ACTR3C: variants seen among roughly 807,000 people sequenced by gnomAD.
ACTR3C encodes actin-related protein 3C.
Under a neutral mutation model 26.3 loss-of-function variants are expected in ACTR3C, and 18 were observed. The ratio of observed to expected loss-of-function variants is 0.68; its 90% CI spans 0.47 to 1.01. The LOEUF is 1.01. ACTR3C is among the 50% of genes least tolerant of loss of function. The pLI is 0.00. For synonymous variants in ACTR3C, 55 were observed against 94.5 expected, an observed-to-expected ratio of 0.58 and a Z score of 2.42; for missense variants, 184 against 250.7, an observed-to-expected ratio of 0.73 and a Z score of 1.80.
the ACTR3C span, among the ~76,000 whole-genome samples, chr7:150,090,982 G>A: frequency 0.54 from 80,238 of 149,510 alleles, 21,526 homozygotes; most frequent in East Asian, 0.8. Flanking sequence ...CAGAACAAAG[G>A]GCACCATCCT....
At chr7:150,288,054 G>A (rs1835923189) in intron 4 of ACTR3C, among the ~76,000 whole-genome samples, 1 of 145,678 alleles carries the variant, frequency 6.9e-6, no homozygotes, top group Non-Finnish European at 1.5e-5. Context: ...GAAGCGGGGG[G>A]AGCTCTAAAC....
chr7:149,891,551 C>A, the ACTR3C span: 1 of 223,240 alleles, frequency 4.5e-6, no homozygotes, highest in Non-Finnish European at 9.0e-6. Context: ...GCAGGCCAGG[C>A]ACAGTGGCTC....
chr7:149,885,108 A>AC, the ACTR3C span, among the ~76,000 whole-genome samples: 3 of 151,750 alleles, frequency 2.0e-5, no homozygotes, highest in Non-Finnish European at 4.4e-5. Context: ...TGCTAGCAGA[A>AC]CCCCTCTCCC....
chr7:150,301,952 G>A (rs1196566847), intron 1 of ACTR3C, among the ~76,000 whole-genome samples: 1 of 152,080 alleles, frequency 6.6e-6, no homozygotes, highest in African/African-American at 2.4e-5. Flanking sequence ...CGGTGGCAAT[G>A]GTTTGTGAAT....
At chr7:150,176,991 C>T in the ACTR3C span, among the ~76,000 whole-genome samples, 1 of 150,640 alleles carries the variant, frequency 6.6e-6, no homozygotes, top group Non-Finnish European at 1.5e-5. Flanking sequence ...AACACAAATT[C>T]TCTAGATGCT....
chr7:149,956,780 G>A, the ACTR3C span, among the ~76,000 whole-genome samples: 9 of 151,952 alleles, frequency 5.9e-5, no homozygotes, highest in Non-Finnish European at 1.3e-4. Context: ...GCGATGTAGG[G>A]GCTGGATAGA....
the ACTR3C span, among the ~76,000 whole-genome samples, chr7:150,108,364 G>T: frequency 6.6e-6 from 1 of 151,408 alleles, no homozygotes; most frequent in Non-Finnish European, 1.5e-5. Context: ...ACTAGTGTGT[G>T]TAAGGAAGCC....
At chr7:150,106,363 T>C in the ACTR3C span, among the ~76,000 whole-genome samples, 4 of 117,970 alleles carry the variant, frequency 3.4e-5, no homozygotes, top group African/African-American at 1.3e-4. Flanking sequence ...TTATTGAAAA[T>C]TGATGGGGTT....
the ACTR3C span, among the ~76,000 whole-genome samples, chr7:150,076,906 T>C: frequency 3.9e-5 from 6 of 152,208 alleles, no homozygotes; most frequent in Non-Finnish European, 1.5e-5. Context: ...GGTTCACACC[T>C]GTAATCCCAG....
the ACTR3C span, among the ~76,000 whole-genome samples, chr7:149,925,796 T>G: frequency 6.6e-6 from 1 of 151,972 alleles, no homozygotes; most frequent in African/African-American, 2.4e-5. Flanking sequence ...GCACAGTGGC[T>G]CACATCTATA....
chr7:149,895,545 G>A, the ACTR3C span, among the ~76,000 whole-genome samples: 1 of 152,104 alleles, frequency 6.6e-6, no homozygotes, highest in African/African-American at 2.4e-5. Flanking sequence ...AATAAAATCA[G>A]AGCCAGCTGT....
At chr7:150,268,321 C>T (rs1346851360) in intron 6 of ACTR3C, among the ~76,000 whole-genome samples, 1 of 147,274 alleles carries the variant, frequency 6.8e-6, no homozygotes, top group Non-Finnish European at 1.5e-5. Context: ...CAAACTCCAG[C>T]TCCCACCCTA....
the ACTR3C span, among the ~76,000 whole-genome samples, chr7:150,024,163 G>T: frequency 4.6e-5 from 7 of 151,360 alleles, no homozygotes; most frequent in Non-Finnish European, 8.8e-5. Flanking sequence ...ACGAAGGAAC[G>T]TGCTCGCTGC....
the ACTR3C span, among the ~76,000 whole-genome samples, chr7:150,215,464 C>T: frequency 2.6e-5 from 4 of 152,112 alleles, no homozygotes; most frequent in Non-Finnish European, 4.4e-5. Context: ...CTGCATTCAT[C>T]AGAGAGGCAC....
the ACTR3C span, among the ~76,000 whole-genome samples, chr7:150,132,338 G>A: frequency 6.6e-6 from 1 of 152,148 alleles, no homozygotes; most frequent in Non-Finnish European, 1.5e-5. Flanking sequence ...AAATATTGTA[G>A]CTTTAAAAAT....
the ACTR3C span, among the ~76,000 whole-genome samples, chr7:149,994,825 A>T: frequency 6.7e-6 from 1 of 150,338 alleles, no homozygotes; most frequent in Non-Finnish European, 1.5e-5. Flanking sequence ...AGACAGTAGG[A>T]GCAAGAAGTG....
the ACTR3C span, among the ~76,000 whole-genome samples, chr7:150,094,868 C>T: frequency 6.4e-4 from 95 of 148,830 alleles, 3 homozygotes; most frequent in Non-Finnish European, 9.7e-4. Context: ...CTCGTCCAAC[C>T]GGAAGGTGAA....
At chr7:150,242,526 T>C (rs1832249374), downstream of ACTR3C, among the ~76,000 whole-genome samples, 1 of 151,780 alleles carries the variant, frequency 6.6e-6, no homozygotes, top group African/African-American at 2.4e-5. Flanking sequence ...CTATTGTATG[T>C]AAATTACACT....
At chr7:150,098,237 C>G in the ACTR3C span, among the ~76,000 whole-genome samples, 2 of 151,640 alleles carry the variant, frequency 1.3e-5, no homozygotes, top group African/African-American at 4.9e-5. Context: ...GAATTCTTGT[C>G]GTTGAGAAAG....
Sources: allele counts gnomAD v4.1 joint callset (sites outside exome capture counted in the v4.1 genomes callset), GRCh38; gene constraint gnomAD v4.1.1; transcripts MANE v1.5; gene names NCBI Gene and HGNC (gene_info 2026-07-23, HGNC 2026-07-21).